The following HABP4 variants were observed in gnomAD, a reference collection of about 807,000 sequenced individuals.
The protein encoded by HABP4 is hyaluronan binding protein 4.
In HABP4, 32 loss-of-function variants were observed where a neutral mutation model predicts 44.1. The observed-to-expected ratio is 0.73, with a 90% CI of 0.55 to 0.97. The LOEUF is 0.97. Ranked by LOEUF, HABP4 falls within the 50% of genes least tolerant of loss-of-function variation. The probability of loss-of-function intolerance (pLI) is 0.00; values close to 1 mark genes in which losing one functional copy is unlikely to be tolerated. For missense variants in HABP4, 503 were observed against 561.9 expected, an observed-to-expected ratio of 0.90 and a Z score of 1.06; for synonymous variants, 216 against 218.0, an observed-to-expected ratio of 0.99 and a Z score of 0.08.
chr9:96,467,301 G>A (rs1240052545), intron 4 of HABP4, among the ~76,000 whole-genome samples: 5 of 151,870 alleles, frequency 3.3e-5, no homozygotes, highest in Non-Finnish European at 2.9e-5. Flanking sequence ...AATATCAAAT[G>A]TAACAGCGTT....
At chr9:96,463,291 G>A (rs1832538128) in intron 2 of HABP4, among the ~76,000 whole-genome samples, 2 of 151,934 alleles carry the variant, frequency 1.3e-5, no homozygotes, top group Admixed American at 1.3e-4. Context: ...GTCTCGCTTT[G>A]TTGCCCGGGC....
At position 96,469,150 on chromosome 9, in the gene HABP4, T is replaced by C. The variant is rs1832653676; in HGVS notation, c.744-1861T>C. On this transcript the variant is annotated intron_variant, in intron 4 of 7. Transcript: ENST00000375249. ...AGCGGTAAAATAGAATTTTTTCTAT[T>C]TATCTGTGCTGAAATAGAATTTTTC... is the stretch of plus-strand genomic sequence containing the variant. 2.0e-5 allele frequency among the ~76,000 whole-genome samples: 3 copies of C among 152,268 alleles called. 1 individual carries two copies. The highest frequency in any genetic ancestry group is 2.0e-4 in the Admixed American group (3 of 15,284).
chr9:96,477,438 C>T (rs1307806004), intron 5 of HABP4, among the ~76,000 whole-genome samples: 1 of 152,130 alleles, frequency 6.6e-6, no homozygotes, highest in African/African-American at 2.4e-5. Context: ...ATATTTCTAC[C>T]AACTTCTGCC....
chr9:96,465,282 G>T, intron 2 of HABP4, 55 bp from the exon 3 acceptor site: 1 of 1,141,046 alleles, frequency 8.8e-7, no homozygotes, highest in African/African-American at 1.6e-5. Context: ...ATTTTTTTCT[G>T]GAGAGACCTT....
Position 96,489,998 on chromosome 9 carries a change from C to A in HABP4, c.1202C>A (p.Pro401His). 6.2e-7 allele frequency: 1 copy of A among 1,601,376 alleles called. No homozygotes were observed. The highest frequency in any genetic ancestry group is 1.7e-4 in the Middle Eastern group (1 of 6,038). ...RAEVVMQDVAPNPDDPEDFPA... is the reference protein window; with the variant it reads ...RAEVVMQDVAHNPDDPEDFPA... ...TTTCTTTAGATGCAAGATGTTGCCC[C>A]CAACCCAGATGACCCGGAAGATTTC... is the stretch of plus-strand genomic sequence containing the variant. The change falls in exon 8 of 8, where the codon CCC (proline) becomes CAC (histidine). Residue 401 changes from proline to histidine, a missense_variant. This residue lies in a region of HABP4 where 82 missense variants were observed against 71.6 expected (regional missense o/e 1.15). Coordinates refer to ENST00000375249, the MANE Select transcript of HABP4 (RefSeq NM_014282.4).
intron 7 of HABP4, 94 bp from the exon 8 acceptor site, chr9:96,489,888 C>T (rs941840135): frequency 1.1e-5 from 9 of 816,528 alleles, no homozygotes; most frequent in Non-Finnish European, 2.0e-5. Flanking sequence ...AATGCAGGCC[C>T]CTCAGCGTTG....
intron 1 of HABP4, among the ~76,000 whole-genome samples, chr9:96,457,271 G>A (rs945629517): frequency 6.6e-6 from 1 of 152,016 alleles, no homozygotes; most frequent in African/African-American, 2.4e-5. Flanking sequence ...TACCCGGGAG[G>A]CGGAGGTTGC....
At chr9:96,465,264 C>A (rs961283145) in intron 2 of HABP4, 73 bp from the exon 3 acceptor site, 16 of 927,542 alleles carry the variant, frequency 1.7e-5, no homozygotes, top group African/African-American at 1.5e-4. Flanking sequence ...CCATGATTTT[C>A]TTTTAGAATT....
chr9:96,462,439 G>T (rs1010264386), intron 2 of HABP4, among the ~76,000 whole-genome samples: 3 of 151,516 alleles, frequency 2.0e-5, no homozygotes, highest in Non-Finnish European at 2.9e-5. Context: ...TGACAGATGA[G>T]ACTCTGTCTC....
In HABP4 at chr9:96,490,638, AT is replaced by A. The variant is rs1243484727; in HGVS notation, c.*605del. On this transcript the variant is annotated 3_prime_UTR_variant, in exon 8 of 8. Transcript: ENST00000375249. ...TGACACAGAATCAGAGAAAGCGTTG[AT>A]TTTTAATGGTGATTTAAACTACCTC... The A allele has an allele frequency of 6.6e-6, 1 of 152,260 alleles. No homozygotes were observed. The highest frequency in any genetic ancestry group is 2.4e-5 in the African/African-American group (1 of 41,440). 9.4% of individuals were successfully genotyped at this position (152,260 alleles called of 1,614,324 possible). A position where few individuals can be genotyped will look rare whatever the true frequency, so the allele number is the denominator to read the frequency against.
chr9:96,454,167 A>C (rs1027322333), intron 1 of HABP4, among the ~76,000 whole-genome samples: 20 of 152,170 alleles, frequency 1.3e-4, no homozygotes, highest in Admixed American at 6.5e-4. Context: ...AACTTGGAGG[A>C]AGCAGAAAGG....
chr9:96,476,173 A>G (rs1042281955), intron 5 of HABP4, among the ~76,000 whole-genome samples: 12 of 152,184 alleles, frequency 7.9e-5, no homozygotes, highest in African/African-American at 2.7e-4. Context: ...CAATGACAGG[A>G]TTGGAACTTG....
chr9:96,467,769 ACCTGCCTTGG>A (rs1375831179), intron 4 of HABP4, among the ~76,000 whole-genome samples: 1 of 152,010 alleles, frequency 6.6e-6, no homozygotes, highest in East Asian at 1.9e-4. Flanking sequence ...CAGGTGATCC[ACCTGCCTTGG>A]CCTCCCAAAG....
intron 5 of HABP4, among the ~76,000 whole-genome samples, chr9:96,477,648 T>C (rs1026462905): frequency 6.6e-6 from 1 of 152,232 alleles, no homozygotes; most frequent in Non-Finnish European, 1.5e-5. Context: ...TTTGAAATAA[T>C]ATTGAAATAT....
rs187492180 is a variant in HABP4, at chr9:96,490,245, G to T, written c.*207G>T. ...CCATTTCCCAAGAAGATGAAGAATG[G>T]TGACTGTGTTTTTATTGAAGGAATT... is the stretch of plus-strand genomic sequence containing the variant. On this transcript the variant is annotated 3_prime_UTR_variant, in exon 8 of 8. Transcript: ENST00000375249. The T allele has an allele frequency of 9.5e-5, 55 of 581,416 alleles. 1 individual carries two copies. The East Asian group carries it at 1.5e-3, about 16-fold the overall frequency. The allele number at this position is 581,416 out of a possible 1,614,324, so 36.0% of individuals were successfully genotyped here. A position where few individuals can be genotyped will look rare whatever the true frequency, so the allele number is the denominator to read the frequency against.
At chr9:96,453,802 C>T (rs1204853675) in intron 1 of HABP4, among the ~76,000 whole-genome samples, 1 of 152,180 alleles carries the variant, frequency 6.6e-6, no homozygotes, top group Non-Finnish European at 1.5e-5. Context: ...TGCTTGCATT[C>T]TCCACTTGGA....
intron 6 of HABP4, among the ~76,000 whole-genome samples, chr9:96,485,130 G>A (rs549337962): frequency 1.3e-5 from 2 of 151,830 alleles, no homozygotes; most frequent in East Asian, 1.9e-4. Flanking sequence ...TTGGCTCACC[G>A]CAACCTCCGC....
intron 1 of HABP4, among the ~76,000 whole-genome samples, chr9:96,453,490 C>T (rs527798227): frequency 5.3e-5 from 8 of 152,184 alleles, no homozygotes; most frequent in Admixed American, 3.9e-4. Context: ...GGATTACAGG[C>T]GTGAGCCATG....
At chr9:96,462,774 T>C (rs1329933321) in intron 2 of HABP4, among the ~76,000 whole-genome samples, 2 of 151,858 alleles carry the variant, frequency 1.3e-5, no homozygotes, top group African/African-American at 4.8e-5. Flanking sequence ...AAAGGGTAGT[T>C]AGCCGAGTGT....
Sources: gnomAD v4.1 joint callset for allele counts (sites outside exome capture counted in the v4.1 genomes callset) on GRCh38, gnomAD v4.1.1 for gene constraint, gnomAD v4.1.1 regional missense constraint, MANE v1.5 for transcripts, NCBI Gene and HGNC (gene_info 2026-07-23, HGNC 2026-07-21) for gene names.